Variants in KCNAB1 observed in about 807,000 individuals in gnomAD.
KCNAB1 encodes potassium voltage-gated channel subfamily A regulatory beta subunit 1.
In KCNAB1, 35 loss-of-function variants were observed where a neutral mutation model predicts 64.6. The observed-to-expected ratio is 0.54, with a 90% confidence interval of 0.41 to 0.72. The LOEUF (loss-of-function observed/expected upper bound fraction) is 0.72, where lower values mean the gene tolerates loss of function less well. KCNAB1 is among the 30% of genes least tolerant of loss of function. KCNAB1 has a pLI of 0.00. For synonymous variants in KCNAB1, 177 were observed against 183.8 expected (o/e 0.96, Z 0.30); for missense variants, 401 against 512.9 (o/e 0.78, Z 2.11).
In KCNAB1 at chr3:156,477,479, A is replaced by G. The variant is rs1559905653; in HGVS notation, c.658+2659A>G. On this transcript the variant is annotated intron_variant, in intron 8 of 13. Transcript: ENST00000490337. ...GGAATGTTGCCTGCTCCCCCTCACT[A>G]GGAAGGGGAGACTCACCCCAGCAGG... Among the ~76,000 whole-genome samples the G allele has an allele frequency of 1.3e-5, 2 of 152,096 alleles. 1 individual carries two copies. The highest frequency in any genetic ancestry group is 4.1e-4 in the South Asian group (2 of 4,830).
chr3:156,143,539 C>A, intron 1 of KCNAB1: 1 of 586,136 alleles, frequency 1.7e-6, no homozygotes, highest in Non-Finnish European at 2.7e-6. Flanking sequence ...AGGAAAAATG[C>A]AGTGAGCCCT....
At chr3:156,511,079 C>G (rs1018559402) in intron 8 of KCNAB1, among the ~76,000 whole-genome samples, 15 of 152,086 alleles carry the variant, frequency 9.9e-5, no homozygotes, top group African/African-American at 3.4e-4. Flanking sequence ...TATTAAATAT[C>G]CACTTGACAT....
Position 156,360,154 on chromosome 3 carries a change from T to C in KCNAB1, c.276-61462T>C, listed in dbSNP as rs140264195. Among the ~76,000 whole-genome samples the C allele has an allele frequency of 2.4e-4, 36 of 152,378 alleles. No individual in the cohort carries two copies. In the East Asian group the frequency reaches 6.5e-3, roughly 28 times the overall value. ...ATAATTTATTGTTAAATAAAAACAG[T>C]ATATTACCATATTCAAAAATTATGT... On this transcript the variant is annotated intron_variant, in intron 1 of 13. Coordinates refer to ENST00000490337, the MANE Select transcript of KCNAB1 (RefSeq NM_172160.3).
At chr3:156,388,774 GCAGCATC>G (rs1404642545) in intron 1 of KCNAB1, among the ~76,000 whole-genome samples, 2 of 152,136 alleles carry the variant, frequency 1.3e-5, no homozygotes. Context: ...CAAACTCTCT[GCAGCATC>G]TGTTCACCAG....
chr3:156,153,775 G>A (rs1298350974), intron 1 of KCNAB1, among the ~76,000 whole-genome samples: 1 of 152,148 alleles, frequency 6.6e-6, no homozygotes, highest in Admixed American at 6.5e-5. Flanking sequence ...TCCGGCTTTT[G>A]GGTCCAAACT....
chr3:156,129,244 CT>C (rs1287537635), intron 1 of KCNAB1, among the ~76,000 whole-genome samples: 2 of 152,020 alleles, frequency 1.3e-5, no homozygotes, highest in African/African-American at 4.8e-5. Flanking sequence ...TCCAGGTTAT[CT>C]TTTTGAGCCT....
At chr3:156,313,889 C>T (rs538338085) in intron 1 of KCNAB1, among the ~76,000 whole-genome samples, 7 of 152,320 alleles carry the variant, frequency 4.6e-5, no homozygotes, top group African/African-American at 1.2e-4. Flanking sequence ...CAGAGTGTGG[C>T]GTGAAATTCC....
chr3:156,492,065 C>A (rs1268430531), intron 8 of KCNAB1, among the ~76,000 whole-genome samples: 1 of 152,052 alleles, frequency 6.6e-6, no homozygotes, highest in Admixed American at 6.6e-5. Flanking sequence ...AACTAGAATC[C>A]AATTATCCAG....
chr3:156,419,949 T>C (rs1715355737), intron 1 of KCNAB1, among the ~76,000 whole-genome samples: 1 of 152,270 alleles, frequency 6.6e-6, no homozygotes, highest in East Asian at 1.9e-4. Flanking sequence ...ATCTATTGAT[T>C]TCTGAAAAAC....
At chr3:156,442,779 C>T (rs1717094601) in intron 2 of KCNAB1, among the ~76,000 whole-genome samples, 1 of 152,174 alleles carries the variant, frequency 6.6e-6, no homozygotes, top group Non-Finnish European at 1.5e-5. Context: ...CCTTCAACAG[C>T]AATCACATCT....
intron 1 of KCNAB1, among the ~76,000 whole-genome samples, chr3:156,235,339 C>T (rs753063204): frequency 3.3e-5 from 5 of 152,176 alleles, no homozygotes; most frequent in African/African-American, 7.2e-5. Context: ...TTGTGTCCTA[C>T]GTCTTTCATT....
chr3:156,152,327 A>T (rs1050886571), intron 1 of KCNAB1, among the ~76,000 whole-genome samples: 14 of 152,162 alleles, frequency 9.2e-5, no homozygotes, highest in African/African-American at 3.4e-4. Context: ...TTACCTCAGG[A>T]TTGTCTAGCC....
intron 1 of KCNAB1, among the ~76,000 whole-genome samples, chr3:156,129,464 C>A (rs1415480627): frequency 6.6e-6 from 1 of 152,110 alleles, no homozygotes; most frequent in Non-Finnish European, 1.5e-5. Flanking sequence ...TGCCTCTTGC[C>A]TCCTCTATAA....
chr3:156,497,698 A>G (rs1716101658), intron 8 of KCNAB1, among the ~76,000 whole-genome samples: 1 of 152,246 alleles, frequency 6.6e-6, no homozygotes, highest in Admixed American at 6.5e-5. Flanking sequence ...TAACTGTTCC[A>G]CTAATGAATA....
chr3:156,400,307 A>G (rs1232359549), intron 1 of KCNAB1, among the ~76,000 whole-genome samples: 5 of 152,160 alleles, frequency 3.3e-5, no homozygotes, highest in Non-Finnish European at 5.9e-5. Context: ...AAAGATAACC[A>G]CCACTGTGCC....
intron 1 of KCNAB1, among the ~76,000 whole-genome samples, chr3:156,326,035 T>G (rs1722951177): frequency 6.6e-6 from 1 of 152,124 alleles, no homozygotes; most frequent in South Asian, 2.1e-4. Flanking sequence ...GAGTGGATAC[T>G]AGGCAGCTCT....
intron 1 of KCNAB1, among the ~76,000 whole-genome samples, chr3:156,200,346 G>A (rs905654896): frequency 2.6e-5 from 4 of 152,226 alleles, no homozygotes; most frequent in African/African-American, 9.6e-5. Flanking sequence ...CAGAGCTCGA[G>A]CGCTGTGCTG....
chr3:156,167,611 T>C (rs1711666829), intron 1 of KCNAB1, among the ~76,000 whole-genome samples: 1 of 152,178 alleles, frequency 6.6e-6, no homozygotes, highest in African/African-American at 2.4e-5. Flanking sequence ...GAAAAACTCA[T>C]TGACATGTAT....
intron 2 of KCNAB1, among the ~76,000 whole-genome samples, chr3:156,429,433 C>T (rs1344808345): frequency 7.9e-5 from 12 of 152,212 alleles, no homozygotes. Flanking sequence ...CCATTCGACT[C>T]CTGCCATCTG....
Sources: allele counts gnomAD v4.1 joint callset (sites outside exome capture counted in the v4.1 genomes callset), GRCh38; gene constraint gnomAD v4.1.1; transcripts MANE v1.5; gene names NCBI Gene and HGNC (gene_info 2026-07-23, HGNC 2026-07-21).